The following PLD5 variants were observed in gnomAD, a reference collection of about 807,000 sequenced individuals.
The protein encoded by PLD5 is phospholipase D family member 5, also known as inactive phospholipase D5.
Under a neutral mutation model 61.1 loss-of-function variants are expected in PLD5, and 36 were observed. The ratio of observed to expected loss-of-function variants is 0.59; its 90% CI spans 0.45 to 0.78. PLD5 has a LOEUF of 0.78. Among genes scored for constraint, PLD5 ranks in the 30% least tolerant of loss-of-function variants. The pLI is 0.00. For synonymous variants in PLD5, 243 were observed against 242.8 expected (o/e 1.00, Z -0.01); for missense variants, 515 against 644.4 (o/e 0.80, Z 2.17).
At chr1:242,280,200 G>A (rs1674643877) in intron 3 of PLD5, among the ~76,000 whole-genome samples, 1 of 152,166 alleles carries the variant, frequency 6.6e-6, no homozygotes, top group Non-Finnish European at 1.5e-5. Flanking sequence ...AAGATCAGAT[G>A]AGTTGTGACA....
intron 1 of PLD5, among the ~76,000 whole-genome samples, chr1:242,388,674 G>A (rs991022407): frequency 6.6e-6 from 1 of 152,132 alleles, no homozygotes; most frequent in African/African-American, 2.4e-5. Flanking sequence ...GGCTGACTGA[G>A]ACGGTAAGGA....
chr1:242,225,271 T>C (rs1670860157), intron 4 of PLD5, among the ~76,000 whole-genome samples: 1 of 151,990 alleles, frequency 6.6e-6, no homozygotes, highest in Non-Finnish European at 1.5e-5. Context: ...TGATATTTCA[T>C]GGTATGGAAT....
chr1:242,383,591 A>G (rs1256030534), intron 1 of PLD5, among the ~76,000 whole-genome samples: 1 of 151,780 alleles, frequency 6.6e-6, no homozygotes, highest in Non-Finnish European at 1.5e-5. Flanking sequence ...GTCTAATTTT[A>G]TCTTTAAATG....
intron 1 of PLD5, among the ~76,000 whole-genome samples, chr1:242,493,371 A>C (rs1048693255): frequency 6.6e-6 from 1 of 152,158 alleles, no homozygotes; most frequent in Admixed American, 6.5e-5. Flanking sequence ...TTCATGCTGA[A>C]GCCTCGACAT....
At chr1:242,347,261 G>C (rs1025936197) in intron 2 of PLD5, among the ~76,000 whole-genome samples, 1 of 152,210 alleles carries the variant, frequency 6.6e-6, no homozygotes, top group Admixed American at 6.5e-5. Flanking sequence ...AGCTAGGAAA[G>C]TTGGGGGGTG....
chr1:242,222,400 G>A (rs1670650367), intron 4 of PLD5, among the ~76,000 whole-genome samples: 2 of 152,094 alleles, frequency 1.3e-5, no homozygotes, highest in Admixed American at 6.5e-5. Context: ...CTTGTCTCTG[G>A]GAGGAACAGA....
intron 2 of PLD5, among the ~76,000 whole-genome samples, chr1:242,328,624 A>G (rs1297807705): frequency 3.3e-5 from 5 of 152,236 alleles, no homozygotes; most frequent in African/African-American, 1.2e-4. Context: ...TAGTTTGCAT[A>G]GTACATTTGA....
chr1:242,485,754 C>G (rs1310970666), intron 1 of PLD5, among the ~76,000 whole-genome samples: 1 of 152,156 alleles, frequency 6.6e-6, no homozygotes, highest in Non-Finnish European at 1.5e-5. Context: ...CTCGCATTGC[C>G]AAGTCAATCC....
chr1:242,377,564 A>G, intron 1 of PLD5: 1 of 527,054 alleles, frequency 1.9e-6, no homozygotes. Context: ...TACTCTAGAT[A>G]GAGACATGAC....
At position 242,424,827 on chromosome 1, in the gene PLD5, T is replaced by C. The variant is rs1195673613; in HGVS notation, c.190-76585A>G. 2.0e-4 allele frequency among the ~76,000 whole-genome samples: 31 copies of C among 152,114 alleles called. 1 individual carries two copies. On this transcript the variant is annotated intron_variant, in intron 1 of 9. Transcript: ENST00000536534. The stretch of plus-strand genomic sequence containing the variant: ...AAGAGCAAAATGTTTCCCAGTATTT[T>C]AAAAATACAATCATGTGTTGCTGAC...
chr1:242,342,624 T>C (rs1001044499), intron 2 of PLD5, among the ~76,000 whole-genome samples: 2 of 152,094 alleles, frequency 1.3e-5, no homozygotes, highest in Non-Finnish European at 2.9e-5. Context: ...TAGCAGAAAG[T>C]AGAAAATGTC....
chr1:242,264,180 T>C (rs529627444), intron 4 of PLD5, among the ~76,000 whole-genome samples: 4 of 152,232 alleles, frequency 2.6e-5, no homozygotes, highest in East Asian at 1.9e-4. Flanking sequence ...TTTTAAAAAA[T>C]AGGAAAAGTA....
chr1:242,123,909 A>T (rs1662580537), intron 6 of PLD5, among the ~76,000 whole-genome samples: 1 of 152,146 alleles, frequency 6.6e-6, no homozygotes, highest in Admixed American at 6.5e-5. Flanking sequence ...GCAGAGTCAG[A>T]GGCCCGAAGC....
chr1:242,133,152 A>G (rs1002528458), intron 5 of PLD5, among the ~76,000 whole-genome samples: 3 of 151,866 alleles, frequency 2.0e-5, no homozygotes, highest in African/African-American at 4.8e-5. Flanking sequence ...CTTCATTTGC[A>G]TAGGGGTATA....
intron 1 of PLD5, among the ~76,000 whole-genome samples, chr1:242,465,117 T>C (rs148064572): frequency 0.011 from 1,723 of 152,328 alleles, 12 homozygotes; most frequent in South Asian, 0.022. Context: ...CACTGAATTG[T>C]ACATTGAAAT....
At chr1:242,454,424 G>C (rs1341604658) in intron 1 of PLD5, among the ~76,000 whole-genome samples, 2 of 151,434 alleles carry the variant, frequency 1.3e-5, no homozygotes, top group Non-Finnish European at 2.9e-5. Flanking sequence ...TTCTAATACT[G>C]TTTCAAAGGT....
intron 3 of PLD5, among the ~76,000 whole-genome samples, chr1:242,267,604 G>A (rs1673765096): frequency 1.3e-5 from 2 of 152,058 alleles, no homozygotes; most frequent in African/African-American, 2.4e-5. Flanking sequence ...AAAAGAGGCA[G>A]AGGCCGAGCT....
At chr1:242,209,267 C>G (rs949995605) in intron 5 of PLD5, 1 of 152,108 alleles carries the variant, frequency 6.6e-6, no homozygotes, top group Non-Finnish European at 1.5e-5. Context: ...GGAAAGCCTG[C>G]GGTGGTGTTC....
At position 242,461,600 on chromosome 1, in the gene PLD5, T is replaced by C. The variant is rs567831040; in HGVS notation, c.189+62488A>G. ...AGAGTGATTTATCTTCCTTCGGGTA[T>C]ATACCCACTAATGGGATTGCTGGGT... On this transcript the variant is annotated intron_variant, in intron 1 of 9. Coordinates refer to ENST00000536534, the MANE Select transcript of PLD5 (RefSeq NM_001372062.1). Among the ~76,000 whole-genome samples, 5 of 152,260 alleles carry C rather than the reference T, an allele frequency of 3.3e-5. No homozygotes were observed. The South Asian group carries it at 8.3e-4, about 25-fold the overall frequency.
Sources: allele counts gnomAD v4.1 joint callset (sites outside exome capture counted in the v4.1 genomes callset), GRCh38; gene constraint gnomAD v4.1.1; transcripts MANE v1.5; gene names NCBI Gene and HGNC (gene_info 2026-07-23, HGNC 2026-07-21).